SYT16: variants seen among roughly 807,000 people sequenced by gnomAD.
SYT16 encodes the protein synaptotagmin-16.
SYT16 carries 42 observed loss-of-function variants against 61.4 expected under a neutral mutation model. The observed-to-expected ratio is 0.68, with a 90% CI of 0.53 to 0.89. The LOEUF is 0.89. Among genes scored for constraint, SYT16 ranks in the 40% least tolerant of loss-of-function variants. The probability of loss-of-function intolerance (pLI) is 0.00; values close to 1 mark genes in which losing one functional copy is unlikely to be tolerated. For synonymous variants in SYT16, 314 were observed against 302.3 expected (o/e 1.04, Z -0.40); for missense variants, 804 against 807.3 (o/e 1.00, Z 0.05).
chr14:62,067,894 G>A (rs542492926), intron 3 of SYT16, among the ~76,000 whole-genome samples: 36 of 152,282 alleles, frequency 2.4e-4, no homozygotes, highest in African/African-American at 8.2e-4. Context: ...GCTGAGGCAC[G>A]AGAATTGCTT....
rs997781713 is a variant in SYT16, at chr14:62,109,900, A to G, written c.*9193A>G. 1 of 152,184 alleles carries G rather than the reference A, an allele frequency of 6.6e-6. No homozygotes were observed. Among genetic ancestry groups the G allele is most frequent in the Non-Finnish European group, 1.5e-5 (1 of 68,020 alleles). The allele number at this position is 152,184 out of a possible 1,614,324, so 9.4% of individuals were successfully genotyped here. On this transcript the variant is annotated 3_prime_UTR_variant, in exon 8 of 8. Transcript: ENST00000683842. ...ATTGTACAAATCAATTAAAAATGGTATGTAAGCATCTGGCTCACACAGCAG... is the reference window on the plus strand; with the variant it reads ...ATTGTACAAATCAATTAAAAATGGTGTGTAAGCATCTGGCTCACACAGCAG...
intron 3 of SYT16, among the ~76,000 whole-genome samples, chr14:62,037,691 C>T (rs1364483094): frequency 1.3e-5 from 2 of 152,198 alleles, no homozygotes; most frequent in Non-Finnish European, 2.9e-5. Context: ...ATACATGGTA[C>T]ATGTACCATA....
chr14:62,045,781 C>A (rs1330400838), intron 3 of SYT16, among the ~76,000 whole-genome samples: 1 of 152,026 alleles, frequency 6.6e-6, no homozygotes, highest in Admixed American at 6.6e-5. Context: ...AGGATATGAA[C>A]TCATCATTTT....
intron 5 of SYT16, chr14:62,079,483 C>A (rs2056628875): frequency 2.1e-6 from 1 of 480,680 alleles, no homozygotes; most frequent in Non-Finnish European, 3.1e-6. Flanking sequence ...GATTAAATGA[C>A]TTGCCCAGTG....
intron 1 of SYT16, among the ~76,000 whole-genome samples, chr14:61,848,221 A>C (rs2046501578): frequency 6.6e-6 from 1 of 152,132 alleles, no homozygotes; most frequent in African/African-American, 2.4e-5. Context: ...CAGGTATTTG[A>C]AGGGATTTGG....
chr14:62,051,346 C>A (rs911890905), intron 3 of SYT16, among the ~76,000 whole-genome samples: 9 of 152,172 alleles, frequency 5.9e-5, no homozygotes, highest in Admixed American at 2.6e-4. Flanking sequence ...TGGGAGTGAC[C>A]CGATTTTCCA....
intron 1 of SYT16, among the ~76,000 whole-genome samples, chr14:61,969,366 C>G (rs950190710): frequency 6.6e-6 from 1 of 152,088 alleles, no homozygotes; most frequent in African/African-American, 2.4e-5. Context: ...TCTCTGGTCT[C>G]CCTGTTATAT....
chr14:61,922,941 C>T (rs1024485594), intron 1 of SYT16, among the ~76,000 whole-genome samples: 1 of 151,250 alleles, frequency 6.6e-6, no homozygotes, highest in African/African-American at 2.4e-5. Flanking sequence ...CCCAGCTGCT[C>T]AGGAGGCTGA....
chr14:61,955,349 G>T (rs139435554), intron 1 of SYT16, among the ~76,000 whole-genome samples: 242 of 152,090 alleles, frequency 1.6e-3, no homozygotes, highest in Middle Eastern at 6.8e-3. Context: ...ATACAATACA[G>T]TATTGTCGAT....
At chr14:61,906,233 G>T (rs1416272176) in intron 1 of SYT16, among the ~76,000 whole-genome samples, 1 of 152,136 alleles carries the variant, frequency 6.6e-6, no homozygotes, top group African/African-American at 2.4e-5. Flanking sequence ...AATGTGGGAG[G>T]GTTCTAGAAT....
At chr14:61,978,087 C>A (rs2051896155) in intron 2 of SYT16, among the ~76,000 whole-genome samples, 1 of 152,170 alleles carries the variant, frequency 6.6e-6, no homozygotes, top group Admixed American at 6.5e-5. Flanking sequence ...TGGTGGTAAT[C>A]AAGGAATCTA....
At chr14:62,010,413 A>G (rs143629175) in intron 3 of SYT16, among the ~76,000 whole-genome samples, 277 of 152,328 alleles carry the variant, frequency 1.8e-3, no homozygotes, top group African/African-American at 6.3e-3. Flanking sequence ...ACCTGAATGA[A>G]GTGAAGATGA....
intron 3 of SYT16, among the ~76,000 whole-genome samples, chr14:62,056,146 C>T (rs756989170): frequency 2.0e-5 from 3 of 151,394 alleles, no homozygotes; most frequent in Non-Finnish European, 4.4e-5. Context: ...CAATGATCAA[C>T]GTAAAATAGA....
intron 1 of SYT16, among the ~76,000 whole-genome samples, chr14:61,829,803 A>C (rs1000758322): frequency 4.6e-5 from 7 of 151,874 alleles, no homozygotes. Flanking sequence ...TACAGGTGCC[A>C]GCCACCACGC....
At chr14:61,988,343 T>G (rs900574079) in intron 2 of SYT16, among the ~76,000 whole-genome samples, 4 of 152,190 alleles carry the variant, frequency 2.6e-5, no homozygotes, top group African/African-American at 7.2e-5. Context: ...AAAAATATTG[T>G]GTCATTAAAG....
intron 1 of SYT16, among the ~76,000 whole-genome samples, chr14:61,847,374 A>G (rs764331689): frequency 1.3e-5 from 2 of 152,086 alleles, no homozygotes; most frequent in Non-Finnish European, 2.9e-5. Context: ...ATGTCATGCC[A>G]TTCTCTCCTG....
At chr14:61,954,908 ACT>A (rs1277160920) in intron 1 of SYT16, among the ~76,000 whole-genome samples, 12 of 152,128 alleles carry the variant, frequency 7.9e-5, no homozygotes, top group Admixed American at 5.2e-4. Flanking sequence ...GAAGGAAATA[ACT>A]CTCAAACAAA....
At chr14:61,849,675 G>T (rs1403691695) in intron 1 of SYT16, among the ~76,000 whole-genome samples, 1 of 113,174 alleles carries the variant, frequency 8.8e-6, no homozygotes, top group African/African-American at 5.3e-5. Flanking sequence ...TTTACCTCAT[G>T]TGGCCACTGT....
Position 62,044,381 on chromosome 14 carries a change from A to C in SYT16, c.524-25222A>C, listed in dbSNP as rs143547303. Among the ~76,000 whole-genome samples the C allele has an allele frequency of 2.6e-3, 389 of 152,158 alleles. 5 individuals carry two copies. The highest frequency in any genetic ancestry group is 0.022 in the East Asian group (116 of 5,174). ...CACATGCCATGGTGGTTTGCTGTAC[A>C]TATCAACCCATCATCTAGGTTTTAA... On this transcript the variant is annotated intron_variant, in intron 3 of 7. Coordinates refer to ENST00000683842, the MANE Select transcript of SYT16 (RefSeq NM_001367656.1).
Sources: allele counts gnomAD v4.1 joint callset (sites outside exome capture counted in the v4.1 genomes callset), GRCh38; gene constraint gnomAD v4.1.1; transcripts MANE v1.5; gene names NCBI Gene and HGNC (gene_info 2026-07-23, HGNC 2026-07-21).